FSTL4: variants seen among roughly 807,000 people sequenced by gnomAD.
FSTL4 encodes the protein follistatin like 4, also known as follistatin-related protein 4.
A neutral mutation model predicts 78.2 loss-of-function variants in FSTL4; 28 were observed. That is an observed-to-expected ratio of 0.36 (90% CI 0.27 to 0.49). The LOEUF (loss-of-function observed/expected upper bound fraction) is 0.49. Ranked by LOEUF, FSTL4 falls within the 20% of genes least tolerant of loss-of-function variation. The pLI is 0.98. For synonymous variants in FSTL4, 422 were observed against 440.5 expected (o/e 0.96, Z 0.53); for missense variants, 922 against 1,084.9 (o/e 0.85, Z 2.11).
At chr5:133,251,118 C>T (rs146969703) in intron 6 of FSTL4, among the ~76,000 whole-genome samples, 100 of 152,316 alleles carry the variant, frequency 6.6e-4, no homozygotes, top group African/African-American at 2.3e-3. Context: ...CTCCCATCTC[C>T]GAGTCATGAG....
At chr5:133,782,319 C>T in the FSTL4 span, among the ~76,000 whole-genome samples, 1 of 152,250 alleles carries the variant, frequency 6.6e-6, no homozygotes, top group Non-Finnish European at 1.5e-5. Context: ...GACTTGTCTG[C>T]CACATTCTTC....
chr5:133,698,415 C>T, the FSTL4 span, among the ~76,000 whole-genome samples: 1 of 152,208 alleles, frequency 6.6e-6, no homozygotes, highest in African/African-American at 2.4e-5. Context: ...AGTCCAAATC[C>T]CAACTCTGCC....
At chr5:133,668,294 G>C in the FSTL4 span, among the ~76,000 whole-genome samples, 1 of 152,252 alleles carries the variant, frequency 6.6e-6, no homozygotes, top group Admixed American at 6.5e-5. Flanking sequence ...CAGGGGTCAG[G>C]GGGTATGGGT....
intron 3 of FSTL4, among the ~76,000 whole-genome samples, chr5:133,498,090 C>G (rs1758408376): frequency 6.6e-6 from 1 of 152,102 alleles, no homozygotes; most frequent in Admixed American, 6.5e-5. Flanking sequence ...TAGCACCCCC[C>G]CAATAAATAC....
intron 3 of FSTL4, among the ~76,000 whole-genome samples, chr5:133,533,688 GAACA>G (rs1248841532): frequency 6.6e-6 from 1 of 152,144 alleles, no homozygotes; most frequent in African/African-American, 2.4e-5. Flanking sequence ...GTGAGGAGCG[GAACA>G]AACATTCGCT....
chr5:133,675,134 G>A, the FSTL4 span, among the ~76,000 whole-genome samples: 5,404 of 152,102 alleles, frequency 0.036, 161 homozygotes, highest in South Asian at 0.13. Flanking sequence ...AGGCCTCTCC[G>A]AGAAAATGGC....
chr5:133,737,044 C>A, the FSTL4 span, among the ~76,000 whole-genome samples: 1 of 152,110 alleles, frequency 6.6e-6, no homozygotes, highest in Non-Finnish European at 1.5e-5. Flanking sequence ...GGTATCCAGC[C>A]CCTCAAGCAT....
chr5:133,795,716 C>A, the FSTL4 span, among the ~76,000 whole-genome samples: 1 of 152,166 alleles, frequency 6.6e-6, no homozygotes, highest in Non-Finnish European at 1.5e-5. Context: ...GGAGTGAAAT[C>A]TTTTCTAAGG....
rs1047355017 is a variant in FSTL4 at position 133,199,394 on chromosome 5, T to C, written c.2230A>G (p.Thr744Ala). ...TAGATGTTGTATTGATTGCTTTCAG[T>C]GAAGGAGCGCTGGAAGGCCAAGTCT... ...ISDLAFQRSF[T>A]ESNQYNIYAA... The change falls in exon 16 of 16, where the codon ACT (threonine) becomes GCT (alanine). Residue 744 changes from threonine to alanine, a missense_variant. Transcript: ENST00000265342. The surrounding 1 kb of genome is among the most constrained non-coding windows in gnomAD (Gnocchi z 4.4). 1.9e-6 allele frequency: 3 copies of C among 1,614,136 alleles called. No individual in the cohort carries two copies. Among genetic ancestry groups the C allele is most frequent in the Non-Finnish European group, 2.5e-6 (3 of 1,180,016 alleles).
intron 6 of FSTL4, among the ~76,000 whole-genome samples, chr5:133,312,027 G>A (rs1002959722): frequency 5.9e-5 from 9 of 152,100 alleles, no homozygotes; most frequent in African/African-American, 2.2e-4. Context: ...GTAATCTCTT[G>A]GAAGATCACC....
the FSTL4 span, among the ~76,000 whole-genome samples, chr5:133,781,789 T>C: frequency 6.6e-6 from 1 of 152,232 alleles, no homozygotes; most frequent in Non-Finnish European, 1.5e-5. Context: ...TAAATCACAG[T>C]AGACAACTCA....
intron 6 of FSTL4, among the ~76,000 whole-genome samples, chr5:133,283,057 C>A (rs1753047202): frequency 6.6e-6 from 1 of 152,170 alleles, no homozygotes; most frequent in Non-Finnish European, 1.5e-5. Context: ...ATGTACCCCA[C>A]CAAAGTAAAC....
chr5:133,765,074 A>G, the FSTL4 span, among the ~76,000 whole-genome samples: 1 of 152,236 alleles, frequency 6.6e-6, no homozygotes, highest in Admixed American at 6.5e-5. Context: ...ACCACTTAAC[A>G]TGCACTCAGG....
At chr5:133,287,893 C>T (rs1484479692) in intron 6 of FSTL4, among the ~76,000 whole-genome samples, 1 of 152,208 alleles carries the variant, frequency 6.6e-6, no homozygotes, top group African/African-American at 2.4e-5. Context: ...ATGACTGCCA[C>T]ATCACAAGCA....
intron 14 of FSTL4, chr5:133,202,376 GAAGT>G (rs71581359): frequency 0.23 from 39,204 of 174,240 alleles, 5,543 homozygotes; most frequent in East Asian, 0.43. Flanking sequence ...GTTTCCAAGG[GAAGT>G]AAGTCTCCAG....
chr5:133,422,014 A>G (rs1426686751), intron 3 of FSTL4, among the ~76,000 whole-genome samples: 1 of 152,226 alleles, frequency 6.6e-6, no homozygotes, highest in African/African-American at 2.4e-5. Context: ...TGGAGGAGGC[A>G]GCCTTTCAGC....
the FSTL4 span, among the ~76,000 whole-genome samples, chr5:133,820,086 C>T: frequency 6.6e-6 from 1 of 152,218 alleles, no homozygotes; most frequent in African/African-American, 2.4e-5. Flanking sequence ...GCAGGTTCTG[C>T]AGTGCCTCGT....
intron 4 of FSTL4, among the ~76,000 whole-genome samples, chr5:133,381,371 T>C (rs754945103): frequency 2.6e-5 from 4 of 152,238 alleles, no homozygotes; most frequent in African/African-American, 4.8e-5. Flanking sequence ...ACAAATCAGA[T>C]ACTGAGTGTA....
intron 4 of FSTL4, among the ~76,000 whole-genome samples, chr5:133,372,391 G>C (rs948998190): frequency 6.6e-6 from 1 of 152,056 alleles, no homozygotes; most frequent in Non-Finnish European, 1.5e-5. Flanking sequence ...CCCTAAGCAC[G>C]TGACACCAAG....
Sources: gnomAD v4.1 joint callset for allele counts (sites outside exome capture counted in the v4.1 genomes callset) on GRCh38, gnomAD v4.1.1 for gene constraint, Gnocchi (gnomAD v3.1) non-coding constraint, MANE v1.5 for transcripts, NCBI Gene and HGNC (gene_info 2026-07-23, HGNC 2026-07-21) for gene names.